Variants in DCAF4 observed in about 807,000 individuals in gnomAD.
DCAF4 encodes DDB1- and CUL4-associated factor 4.
Under a neutral mutation model 60.9 loss-of-function variants are expected in DCAF4, and 37 were observed. The observed-to-expected ratio is 0.61, with a 90% confidence interval of 0.47 to 0.80. DCAF4 has a LOEUF of 0.80. Among genes scored for constraint, DCAF4 ranks in the 30% least tolerant of loss-of-function variants. The probability of loss-of-function intolerance (pLI) is 0.00; values close to 1 mark genes in which losing one functional copy is unlikely to be tolerated. For synonymous variants in DCAF4, 243 were observed against 254.8 expected (o/e 0.95, Z 0.44); for missense variants, 577 against 650.0 (o/e 0.89, Z 1.22).
At chr14:72,930,641 G>GTATATA (rs56871190) in intron 1 of DCAF4, among the ~76,000 whole-genome samples, 1 of 151,252 alleles carries the variant, frequency 6.6e-6, no homozygotes, top group African/African-American at 2.4e-5. Flanking sequence ...ATGTGTGTGT[G>GTATATA]TATATATATA....
At position 72,959,634 on chromosome 14, in the gene DCAF4, A is replaced by G; in HGVS notation, c.*829A>G. 1 of 985,416 alleles carries G rather than the reference A, an allele frequency of 1.0e-6. No homozygotes were observed. The allele number at this position is 985,416 out of a possible 1,614,324, so 61.0% of individuals were successfully genotyped here. A position where few individuals can be genotyped will look rare whatever the true frequency, so the allele number is the denominator to read the frequency against. Reference sequence around the variant, plus strand: ...GCCTGTTTTTCTACCAAACAATAAAACCAAGAGAAGAATCATGGTGTGACA... The same window carrying G: ...GCCTGTTTTTCTACCAAACAATAAAGCCAAGAGAAGAATCATGGTGTGACA... On this transcript the variant is annotated 3_prime_UTR_variant, in exon 14 of 14. Coordinates refer to ENST00000358377, the MANE Select transcript of DCAF4 (RefSeq NM_015604.4).
At chr14:72,938,538 C>T (rs1889602115) in intron 2 of DCAF4, among the ~76,000 whole-genome samples, 1 of 152,142 alleles carries the variant, frequency 6.6e-6, no homozygotes, top group African/African-American at 2.4e-5. Flanking sequence ...GTTAGGCAGT[C>T]GTGTCATGCA....
intron 8 of DCAF4, among the ~76,000 whole-genome samples, chr14:72,951,117 A>G (rs369368866): frequency 6.6e-6 from 1 of 152,064 alleles, no homozygotes; most frequent in East Asian, 1.9e-4. Context: ...AGGAGCTGGT[A>G]CTACAGGCAC....
chr14:72,928,361 CTT>C (rs1567289556), intron 1 of DCAF4, among the ~76,000 whole-genome samples: 1 of 151,116 alleles, frequency 6.6e-6, no homozygotes, highest in African/African-American at 2.4e-5. Flanking sequence ...GCCCGGCTAA[CTT>C]TTTGTATTTT....
chr14:72,945,739 C>A, intron 6 of DCAF4, 145 bp from the exon 7 acceptor site: 3 of 1,074,468 alleles, frequency 2.8e-6, no homozygotes, highest in Non-Finnish European at 4.0e-6. Context: ...AAAGTGAGGT[C>A]ATCTCCACTC....
At chr14:72,937,097 G>A (rs532713740) in intron 1 of DCAF4, among the ~76,000 whole-genome samples, 3 of 152,230 alleles carry the variant, frequency 2.0e-5, no homozygotes, top group African/African-American at 4.8e-5. Flanking sequence ...CATTGAATTC[G>A]TAGATGTAGA....
At chr14:72,960,621 T>C, downstream of DCAF4, 1 of 1,060,028 alleles carries the variant, frequency 9.4e-7, no homozygotes, top group Non-Finnish European at 1.2e-6. Flanking sequence ...CAGGAAGGGA[T>C]GGCTGGATAG....
Position 72,940,293 on chromosome 14 carries a change from C to T in DCAF4, c.267C>T (p.Asn89=), listed in dbSNP as rs916785452. The change falls in exon 4 of 14, where the codon AAC becomes AAT. Residue 89 remains asparagine, a synonymous_variant. Transcript: ENST00000358377. ...FRLLPGHNNC[N]PLTKESIRQK... ...TGCTCCCTGGACATAACAACTGCAA[C>T]CCCCTGACGAAAGAGAGCATCCGGC... is the stretch of plus-strand genomic sequence containing the variant. 1 of 1,614,150 alleles carries T rather than the reference C, an allele frequency of 6.2e-7. No individual in the cohort carries two copies. Among genetic ancestry groups the T allele is most frequent in the Non-Finnish European group, 8.5e-7 (1 of 1,180,028 alleles).
At chr14:72,938,792 G>A (rs1279330957) in intron 2 of DCAF4, among the ~76,000 whole-genome samples, 1 of 152,106 alleles carries the variant, frequency 6.6e-6, no homozygotes, top group Non-Finnish European at 1.5e-5. Context: ...TGTGAACAGA[G>A]CTTGCGGGAC....
chr14:72,958,953 C>G lies in DCAF4; in HGVS notation c.*148C>G. ...TGCTAGGAGAGAAGTGCTGAATGTT[C>G]CGTGTGGAGATGCTCAGGAAAGTTA... is the stretch of plus-strand genomic sequence containing the variant. On this transcript the variant is annotated 3_prime_UTR_variant, in exon 14 of 14. Coordinates refer to ENST00000358377, the MANE Select transcript of DCAF4 (RefSeq NM_015604.4). 3.7e-6 allele frequency: 5 copies of G among 1,355,838 alleles called. No homozygotes were observed. In the South Asian group the frequency reaches 1.0e-4, roughly 27 times the overall value. The allele number at this position is 1,355,838 out of a possible 1,614,324, so 84.0% of individuals were successfully genotyped here.
At chr14:72,954,091 G>A (rs1891942648) in intron 9 of DCAF4, 73 bp from the exon 10 acceptor site, 6 of 1,524,462 alleles carry the variant, frequency 3.9e-6, no homozygotes, top group Non-Finnish European at 5.4e-6. Flanking sequence ...ATATTTGGAT[G>A]TTTTCCGAAC....
chr14:72,936,563 CA>C (rs59287534), intron 1 of DCAF4, among the ~76,000 whole-genome samples: 267 of 129,500 alleles, frequency 2.1e-3, no homozygotes, highest in Admixed American at 4.0e-3. Context: ...GACTCCATCT[CA>C]AAAAAAAAAA....
intron 4 of DCAF4, chr14:72,940,595 T>TG (rs1199837285): frequency 4.0e-5 from 18 of 446,098 alleles, no homozygotes; most frequent in East Asian, 2.2e-4. Flanking sequence ...TAAGTTGTTT[T>TG]TTTTTTTTTT....
At chr14:72,932,901 T>C (rs975255325) in intron 1 of DCAF4, among the ~76,000 whole-genome samples, 1 of 151,986 alleles carries the variant, frequency 6.6e-6, no homozygotes, top group East Asian at 1.9e-4. Context: ...TCTTTCTTTC[T>C]TTTTTTTAAT....
chr14:72,953,757 A>ATG (rs1567325254), intron 9 of DCAF4, among the ~76,000 whole-genome samples: 2 of 70,220 alleles, frequency 2.8e-5, no homozygotes, highest in Admixed American at 1.7e-4. Context: ...ATATATATAT[A>ATG]TATATAGTTT....
chr14:72,947,041 G>A (rs1258163314), intron 7 of DCAF4, 101 bp from the exon 8 acceptor site: 11 of 1,468,980 alleles, frequency 7.5e-6, no homozygotes, highest in South Asian at 6.9e-5. Flanking sequence ...GGAGCAGGAC[G>A]TGAAGAGAGA....
At chr14:72,946,377 C>G (rs893446854) in intron 7 of DCAF4, among the ~76,000 whole-genome samples, 1 of 152,042 alleles carries the variant, frequency 6.6e-6, no homozygotes, top group African/African-American at 2.4e-5. Flanking sequence ...TGCACTCCAA[C>G]CTGGGTAACA....
chr14:72,938,784 T>G (rs1216111988), intron 2 of DCAF4, among the ~76,000 whole-genome samples: 1 of 152,124 alleles, frequency 6.6e-6, no homozygotes, highest in African/African-American at 2.4e-5. Flanking sequence ...GACACTCCTG[T>G]GAACAGAGCT....
chr14:72,940,541 A>G, intron 4 of DCAF4, 164 bp downstream of exon 4: 2 of 640,390 alleles, frequency 3.1e-6, no homozygotes, highest in Non-Finnish European at 4.9e-6. Flanking sequence ...CAAGAATAAG[A>G]ACAGCCAAGA....
Sources: gnomAD v4.1 joint callset for allele counts (sites outside exome capture counted in the v4.1 genomes callset) on GRCh38, gnomAD v4.1.1 for gene constraint, MANE v1.5 for transcripts, NCBI Gene and HGNC (gene_info 2026-07-23, HGNC 2026-07-21) for gene names.